SCN3A: variants seen among roughly 807,000 people sequenced by gnomAD.
The protein encoded by SCN3A is sodium voltage-gated channel alpha subunit 3.
Under a neutral mutation model 187.6 loss-of-function variants are expected in SCN3A, and 60 were observed. The observed-to-expected ratio is 0.32, with a 90% confidence interval of 0.26 to 0.40. SCN3A has a LOEUF of 0.40. Among genes scored for constraint, SCN3A ranks in the 10% least tolerant of loss-of-function variants. The pLI, the probability that SCN3A is intolerant of heterozygous loss-of-function variation, is 1.00. For missense variants in SCN3A, 1,601 were observed against 2,428.2 expected (o/e 0.66, Z 7.16); for synonymous variants, 788 against 829.2 (o/e 0.95, Z 0.85).
intron 12 of SCN3A, among the ~76,000 whole-genome samples, chr2:165,141,627 G>A (rs947493340): frequency 2.0e-5 from 3 of 152,126 alleles, no homozygotes; most frequent in African/African-American, 4.8e-5. Flanking sequence ...ACTTACCTAC[G>A]ATGTTGTCTT....
intron 11 of SCN3A, 144 bp from the exon 12 acceptor site, chr2:165,147,173 G>C (rs1688402377): frequency 1.1e-6 from 1 of 901,838 alleles, no homozygotes; most frequent in Admixed American, 2.5e-5. Context: ...CACCACAAGA[G>C]TTTACTTAAC....
intron 1 of SCN3A, among the ~76,000 whole-genome samples, chr2:165,192,774 A>G (rs1691697489): frequency 6.6e-6 from 1 of 152,122 alleles, no homozygotes; most frequent in Non-Finnish European, 1.5e-5. Flanking sequence ...TTCTGTTGTT[A>G]TTGAAGATGT....
At chr2:165,177,300 T>A (rs181560713) in intron 2 of SCN3A, among the ~76,000 whole-genome samples, 25 of 152,304 alleles carry the variant, frequency 1.6e-4, no homozygotes, top group South Asian at 8.3e-4. Flanking sequence ...AAACCCTGGC[T>A]CTGCCGCTTA....
rs1248809915 is a variant in SCN3A, at chr2:165,159,985, C to T, written c.1031+2323G>A. 1.5e-5 allele frequency among the ~76,000 whole-genome samples: 2 copies of T among 133,246 alleles called. 1 individual carries two copies. Among genetic ancestry groups the T allele is most frequent in the East Asian group, 6.1e-4 (2 of 3,288 alleles). 87.4% of individuals were successfully genotyped at this position (133,246 alleles called of 152,430 possible). A position where few individuals can be genotyped will look rare whatever the true frequency, so the allele number is the denominator to read the frequency against. On this transcript the variant is annotated intron_variant, in intron 9 of 27. Transcript: ENST00000283254. The stretch of plus-strand genomic sequence containing the variant: ...TATCTATTAAGAATACAAAATTAGC[C>T]GGGCGTGGTGGCGGGCGCCTGTGGT...
chr2:165,139,833 A>G, intron 13 of SCN3A: 1 of 531,934 alleles, frequency 1.9e-6, no homozygotes, highest in Non-Finnish European at 3.3e-6. Context: ...GCAGTTTTAT[A>G]ACACAATTAT....
At chr2:165,167,061 G>C (rs1689811585) in intron 5 of SCN3A, among the ~76,000 whole-genome samples, 1 of 151,978 alleles carries the variant, frequency 6.6e-6, no homozygotes, top group East Asian at 1.9e-4. Context: ...CACCACACCT[G>C]GCTCATTGTT....
chr2:165,161,231 A>C (rs942359574), intron 9 of SCN3A, among the ~76,000 whole-genome samples: 1 of 135,544 alleles, frequency 7.4e-6, no homozygotes. Context: ...ACAATTGTCC[A>C]TGTGATAGTT....
intron 2 of SCN3A, among the ~76,000 whole-genome samples, chr2:165,181,006 C>T (rs1559269579): frequency 6.6e-6 from 1 of 152,036 alleles, no homozygotes; most frequent in Non-Finnish European, 1.5e-5. Flanking sequence ...ATAATAAGCA[C>T]TTGTATGTTT....
chr2:165,135,677 G>T (rs1160515084), intron 15 of SCN3A, among the ~76,000 whole-genome samples: 1 of 152,038 alleles, frequency 6.6e-6, no homozygotes, highest in East Asian at 1.9e-4. Flanking sequence ...GATAAAGGTT[G>T]TTATGGGTAG....
At chr2:165,162,862 G>T in intron 7 of SCN3A, 34 bp from the exon 8 acceptor site, 3 of 1,612,450 alleles carry the variant, frequency 1.9e-6, no homozygotes, top group African/African-American at 2.7e-5. Flanking sequence ...ACCTGAGGAA[G>T]AGTGCCAGAA....
intron 1 of SCN3A, among the ~76,000 whole-genome samples, chr2:165,189,124 A>G (rs560816590): frequency 6.6e-6 from 1 of 152,194 alleles, no homozygotes. Context: ...TATTTTAGGA[A>G]AAAACAAAAC....
At chr2:165,201,127 C>A (rs2106000027) in intron 1 of SCN3A, among the ~76,000 whole-genome samples, 1 of 152,102 alleles carries the variant, frequency 6.6e-6, no homozygotes, top group South Asian at 2.1e-4. Flanking sequence ...GAAATAAGGC[C>A]CTTTGCCTCT....
chr2:165,146,376 ATATATATGTGTGTG>A lies in SCN3A; in HGVS notation c.1671+349_1671+362del, dbSNP rs1222169116. Reference sequence around the variant, plus strand: ...AAGTCTGCTAGTGTAGGTTATATATATATATATGTGTGTGTGTGTGTGTGTGTGTGTGTGTGTGT... The same window carrying A: ...AAGTCTGCTAGTGTAGGTTATATATATGTGTGTGTGTGTGTGTGTGTGTGT... On this transcript the variant is annotated intron_variant, in intron 12 of 27. Transcript: ENST00000283254. Among the ~76,000 whole-genome samples, 182 of 120,846 alleles carry A rather than the reference ATATATATGTGTGTG, an allele frequency of 1.5e-3. 2 individuals carry two copies. The highest frequency in any genetic ancestry group is 6.1e-3 in the African/African-American group (175 of 28,758). 79.3% of individuals were successfully genotyped at this position (120,846 alleles called of 152,430 possible).
intron 2 of SCN3A, among the ~76,000 whole-genome samples, chr2:165,180,431 A>C (rs1419748669): frequency 6.6e-6 from 1 of 151,936 alleles, no homozygotes; most frequent in Non-Finnish European, 1.5e-5. Context: ...AGGGAGAGAG[A>C]GGTATGGTTT....
intron 18 of SCN3A, among the ~76,000 whole-genome samples, chr2:165,117,005 C>T (rs1356199015): frequency 7.0e-6 from 1 of 142,498 alleles, no homozygotes; most frequent in Non-Finnish European, 1.5e-5. Flanking sequence ...GGTGGGAAAG[C>T]CAAGACATCT....
chr2:165,163,325 A>T (rs1460275928), intron 7 of SCN3A, among the ~76,000 whole-genome samples: 1 of 152,154 alleles, frequency 6.6e-6, no homozygotes, highest in Non-Finnish European at 1.5e-5. Flanking sequence ...GTAAAATCCA[A>T]ATCTGTTAGT....
At chr2:165,154,008 T>TTTTTTTTTTC (rs1688859548) in intron 11 of SCN3A, among the ~76,000 whole-genome samples, 1 of 148,956 alleles carries the variant, frequency 6.7e-6, no homozygotes, top group Non-Finnish European at 1.5e-5. Flanking sequence ...TTTTTTTTTT[T>TTTTTTTTTTC]GCTACAGAAA....
At position 165,112,924 on chromosome 2, in the gene SCN3A, G is replaced by A. The variant is rs1686188947; in HGVS notation, c.3804C>T (p.Phe1268=). The change falls in exon 21 of 28, where the codon TTC becomes TTT. Residue 1268 remains phenylalanine (F), a synonymous_variant. Coordinates refer to ENST00000283254, the MANE Select transcript of SCN3A (RefSeq NM_006922.4). The part of the protein sequence containing the change: ...KWVAYGFQTY[F]TNAWCWLDFL... ...AATCTAGCCAGCACCAGGCATTAGT[G>A]AAATATGTTTGAAATCCATAAGCAA... 6.2e-7 allele frequency: 1 copy of A among 1,613,402 alleles called. No individual in the cohort carries two copies. Among genetic ancestry groups the A allele is most frequent in the African/African-American group, 1.3e-5 (1 of 74,904 alleles).
chr2:165,158,613 T>C (rs1043615649), intron 9 of SCN3A, among the ~76,000 whole-genome samples: 1 of 137,808 alleles, frequency 7.3e-6, no homozygotes, highest in Non-Finnish European at 1.5e-5. Flanking sequence ...ATCATCTCTG[T>C]TGCTTTGTGT....
Sources: gnomAD v4.1 joint callset for allele counts (sites outside exome capture counted in the v4.1 genomes callset) on GRCh38, gnomAD v4.1.1 for gene constraint, MANE v1.5 for transcripts, NCBI Gene and HGNC (gene_info 2026-07-23, HGNC 2026-07-21) for gene names.